The following UBE2O variants were observed in gnomAD, a reference collection of about 807,000 sequenced individuals.
UBE2O encodes (E3-independent) E2 ubiquitin-conjugating enzyme.
UBE2O carries 15 observed loss-of-function variants against 125.8 expected under a neutral mutation model. The ratio of observed to expected loss-of-function variants is 0.12; its 90% CI spans 0.08 to 0.18. UBE2O has a LOEUF of 0.18. Among genes scored for constraint, UBE2O ranks in the 10% least tolerant of loss-of-function variants. The pLI is 1.00. For missense variants in UBE2O, 1,280 were observed against 1,723.6 expected (o/e 0.74, Z 4.56); for synonymous variants, 708 against 703.2 (o/e 1.01, Z -0.11).
chr17:76,435,026 C>T (rs985478018), intron 1 of UBE2O, among the ~76,000 whole-genome samples: 1 of 151,944 alleles, frequency 6.6e-6, no homozygotes, highest in Non-Finnish European at 1.5e-5. Flanking sequence ...TGGATTTAGC[C>T]CAACAGCCTG....
At position 76,399,653 on chromosome 17, in the gene UBE2O, G is replaced by A. The variant is rs777873761; in HGVS notation, c.1424C>T (p.Ser475Leu). Reference protein sequence around the residue: ...LKEGRDDRLHSAEQDADDEAA... With the variant: ...LKEGRDDRLHLAEQDADDEAA... ...CTCATCATCTGCGTCCTGCTCTGCC[G>A]AGTGCAGCCTGTCATCTCTGCCTTC... The change falls in exon 9 of 18, where the codon TCG becomes TTG. Residue 475 changes from serine to leucine, a missense_variant. By Grantham distance (145) the Ser-to-Leu change is moderately radical. Coordinates refer to ENST00000319380, the MANE Select transcript of UBE2O (RefSeq NM_022066.4). The surrounding 1 kb of genome is among the most constrained non-coding windows in gnomAD (Gnocchi z 6.9). The A allele has an allele frequency of 5.0e-6, 8 of 1,614,180 alleles. No homozygotes were observed. Among genetic ancestry groups the A allele is most frequent in the Admixed American group, 3.3e-5 (2 of 60,016 alleles).
Position 76,396,097 on chromosome 17 carries a change from G to T in UBE2O, c.2809+31C>A. ...AAACAGGAGCCCCGAGAAGGCGGGGGAAGGCGAAGACCAGGCAAGGGCTGA... is the reference window on the plus strand; with the variant it reads ...AAACAGGAGCCCCGAGAAGGCGGGGTAAGGCGAAGACCAGGCAAGGGCTGA... On this transcript the variant is annotated intron_variant, in intron 14 of 17. Coordinates refer to ENST00000319380, the MANE Select transcript of UBE2O (RefSeq NM_022066.4). The surrounding 1 kb of genome is among the most constrained non-coding windows in gnomAD (Gnocchi z 6.7). 6.2e-7 allele frequency: 1 copy of T among 1,604,802 alleles called. No homozygotes were observed. The highest frequency in any genetic ancestry group is 8.5e-7 in the Non-Finnish European group (1 of 1,174,832).
chr17:76,398,302 T>C lies in UBE2O; in HGVS notation c.1978A>G (p.Ile660Val), dbSNP rs1192572617. ...CCATCCTCAGTATTGCCGATGCGGA[T>C]GACGATGTCAGTTGTACGGAACCTA... ...DFRFRTTDIV[I>V]RIGNTEDGAP... The change falls in exon 12 of 18, where the codon ATC becomes GTC. Residue 660 changes from isoleucine to valine, a missense_variant. By Grantham distance (29) the Ile-to-Val change is conservative. Transcript: ENST00000319380. This position sits in a 1 kb window ranked among gnomAD's most constrained non-coding sequence, Gnocchi z 5.4. 10 of 1,614,218 alleles carry C rather than the reference T, an allele frequency of 6.2e-6. No individual in the cohort carries two copies. The highest frequency in any genetic ancestry group is 2.2e-5 in the East Asian group (1 of 44,896).
chr17:76,438,100 C>G (rs2073026822), intron 1 of UBE2O, among the ~76,000 whole-genome samples: 1 of 152,188 alleles, frequency 6.6e-6, no homozygotes, highest in South Asian at 2.1e-4. Context: ...GCCACGCTTC[C>G]CTCTTCTTAC....
chr17:76,448,631 G>A (rs2073186248), intron 1 of UBE2O, among the ~76,000 whole-genome samples: 1 of 152,230 alleles, frequency 6.6e-6, no homozygotes, highest in Non-Finnish European at 1.5e-5. Flanking sequence ...CAATGCAAAA[G>A]AGATGAAAAA....
intron 1 of UBE2O, among the ~76,000 whole-genome samples, chr17:76,427,228 A>G (rs952762717): frequency 6.6e-6 from 1 of 152,198 alleles, no homozygotes; most frequent in African/African-American, 2.4e-5. Context: ...TAACTTCTGC[A>G]GATCTGTTTT....
In UBE2O at chr17:76,404,589, T is replaced by C. The variant is rs1262485843; in HGVS notation, c.588+617A>G. Among the ~76,000 whole-genome samples the C allele has an allele frequency of 1.3e-5, 2 of 152,240 alleles. No individual in the cohort carries two copies. The highest frequency in any genetic ancestry group is 2.9e-5 in the Non-Finnish European group (2 of 68,050). ...GTAGTGTTGGGACAACTGCATGTGG[T>C]CTGTGGACTGGACAGTAATTATCAA... On this transcript the variant is annotated intron_variant, in intron 3 of 17. Coordinates refer to ENST00000319380, the MANE Select transcript of UBE2O (RefSeq NM_022066.4). The surrounding 1 kb of genome is among the most constrained non-coding windows in gnomAD (Gnocchi z 4.3).
Position 76,390,643 on chromosome 17 carries a change from A to C in UBE2O, c.*300T>G. On this transcript the variant is annotated 3_prime_UTR_variant, in exon 18 of 18. Transcript: ENST00000319380. ...TGGAACACCCGCCTCTGACCTGAGAAGGGGCAGCAAGGGAGCAAGTGCCGG... is the reference window on the plus strand; with the variant it reads ...TGGAACACCCGCCTCTGACCTGAGACGGGGCAGCAAGGGAGCAAGTGCCGG... 3.4e-6 allele frequency: 1 copy of C among 297,484 alleles called. No homozygotes were observed. Among genetic ancestry groups the C allele is most frequent in the Non-Finnish European group, 6.3e-6 (1 of 158,804 alleles). The allele number at this position is 297,484 out of a possible 1,614,324, so 18.4% of individuals were successfully genotyped here.
At chr17:76,416,603 C>G (rs371423844) in intron 1 of UBE2O, among the ~76,000 whole-genome samples, 1 of 152,196 alleles carries the variant, frequency 6.6e-6, no homozygotes, top group Non-Finnish European at 1.5e-5. Context: ...TGAGCCCACA[C>G]CAACCTCCCC....
In UBE2O at chr17:76,397,970, C is replaced by T; in HGVS notation, c.2026-82G>A. ...CCCTCCTGTGCTCTGCAGTGACTGA[C>T]ATCATGCCCACCTGGCTTGTGACAA... On this transcript the variant is annotated intron_variant, in intron 12 of 17. Transcript: ENST00000319380. 3 of 1,444,700 alleles carry T rather than the reference C, an allele frequency of 2.1e-6. 1 individual carries two copies. In the South Asian group the frequency reaches 3.4e-5, roughly 17 times the overall value. The allele number at this position is 1,444,700 out of a possible 1,614,324, so 89.5% of individuals were successfully genotyped here.
Position 76,390,843 on chromosome 17 carries a change from G to T in UBE2O, c.*100C>A. ...GAGAAGAGGGCAGTGGGTTTGCAGTGGGGACAGAGGGGCATGGGAAGAGGG... is the reference window on the plus strand; with the variant it reads ...GAGAAGAGGGCAGTGGGTTTGCAGTTGGGACAGAGGGGCATGGGAAGAGGG... On this transcript the variant is annotated 3_prime_UTR_variant, in exon 18 of 18. Transcript: ENST00000319380. 3.2e-6 allele frequency: 4 copies of T among 1,250,710 alleles called. No homozygotes were observed. Among genetic ancestry groups the T allele is most frequent in the Non-Finnish European group, 4.4e-6 (4 of 906,208 alleles). The allele number at this position is 1,250,710 out of a possible 1,614,324, so 77.5% of individuals were successfully genotyped here.
In UBE2O at chr17:76,429,719, GCTCATTTTTT is replaced by G. The variant is rs1164946933; in HGVS notation, c.417+22996_417+23005del. On this transcript the variant is annotated intron_variant, in intron 1 of 17. Transcript: ENST00000319380. The stretch of plus-strand genomic sequence containing the variant: ...CAATGGCAGGTCTTGTTGCTGACAT[GCTCATTTTTT>G]CCAGACTGGAATCCAATGCCATGCC... Among the ~76,000 whole-genome samples, 4 of 152,086 alleles carry G rather than the reference GCTCATTTTTT, an allele frequency of 2.6e-5. No homozygotes were observed. In the South Asian group the frequency reaches 8.3e-4, roughly 32 times the overall value.
At chr17:76,408,057 C>T (rs1420768729) in intron 1 of UBE2O, among the ~76,000 whole-genome samples, 2 of 152,170 alleles carry the variant, frequency 1.3e-5, no homozygotes, top group African/African-American at 2.4e-5. Context: ...TTGTGACTTT[C>T]CTTCCTAACT....
At chr17:76,434,526 A>G (rs2072954437) in intron 1 of UBE2O, among the ~76,000 whole-genome samples, 2 of 152,164 alleles carry the variant, frequency 1.3e-5, no homozygotes, top group Admixed American at 6.5e-5. Flanking sequence ...TCACATGAAG[A>G]AAAAAGGATT....
At chr17:76,415,314 C>T (rs376814313) in intron 1 of UBE2O, among the ~76,000 whole-genome samples, 11 of 152,300 alleles carry the variant, frequency 7.2e-5, no homozygotes, top group African/African-American at 2.6e-4. Flanking sequence ...ATGACCCCCA[C>T]GAAGGAGGCA....
Position 76,391,632 on chromosome 17 carries a change from T to G in UBE2O, c.3209-19A>C, listed in dbSNP as rs1450724776. The G allele has an allele frequency of 5.6e-6, 9 of 1,604,704 alleles. No individual in the cohort carries two copies. The East Asian group carries it at 2.0e-4, about 36-fold the overall frequency. ...ATCAGACCTGTGTGGGCGGGACACC[T>G]TCCCTCAGTGGGTGAGAGAGGCCCA... On this transcript the variant is annotated intron_variant, in intron 17 of 17. Coordinates refer to ENST00000319380, the MANE Select transcript of UBE2O (RefSeq NM_022066.4). This position sits in a 1 kb window ranked among gnomAD's most constrained non-coding sequence, Gnocchi z 8.4.
At chr17:76,443,895 T>C (rs1489520637) in intron 1 of UBE2O, among the ~76,000 whole-genome samples, 1 of 152,118 alleles carries the variant, frequency 6.6e-6, no homozygotes, top group Non-Finnish European at 1.5e-5. Context: ...TAGTCTGGTA[T>C]AATAGAACCC....
chr17:76,440,278 T>C (rs1297814576), intron 1 of UBE2O, among the ~76,000 whole-genome samples: 1 of 152,242 alleles, frequency 6.6e-6, no homozygotes, highest in African/African-American at 2.4e-5. Flanking sequence ...ATATAATATT[T>C]TGAATACATT....
chr17:76,442,453 A>G (rs1417136825), intron 1 of UBE2O, among the ~76,000 whole-genome samples: 1 of 152,190 alleles, frequency 6.6e-6, no homozygotes, highest in African/African-American at 2.4e-5. Context: ...GACTAAGAAT[A>G]CTATTTGTAG....
Sources: gnomAD v4.1 joint callset for allele counts (sites outside exome capture counted in the v4.1 genomes callset) on GRCh38, gnomAD v4.1.1 for gene constraint, Gnocchi (gnomAD v3.1) non-coding constraint, MANE v1.5 for transcripts, NCBI Gene and HGNC (gene_info 2026-07-23, HGNC 2026-07-21) for gene names.